Variants in MGAM2 observed in about 807,000 individuals in gnomAD.
MGAM2 encodes maltase-glucoamylase 2 (putative).
A neutral mutation model predicts 96.1 loss-of-function variants in MGAM2; 98 were observed. The observed-to-expected ratio is 1.02, with a 90% CI of 0.87 to 1.21. The LOEUF (loss-of-function observed/expected upper bound fraction) is 1.21. Among genes scored for constraint, MGAM2 ranks in the 50% most tolerant of loss-of-function variants. The pLI is 0.00. For synonymous variants in MGAM2, 749 were observed against 414.8 expected (o/e 1.81, Z -9.79); for missense variants, 2,055 against 1,182.4 (o/e 1.74, Z -10.82).
chr7:142,178,155 G>T (rs1796431679), intron 32 of MGAM2, among the ~76,000 whole-genome samples: 1 of 152,138 alleles, frequency 6.6e-6, no homozygotes, highest in Non-Finnish European at 1.5e-5. Flanking sequence ...CCACTTGTAT[G>T]TCTTCTTTTG....
intron 46 of MGAM2, among the ~76,000 whole-genome samples, chr7:142,211,403 G>A (rs1220605280): frequency 6.6e-6 from 1 of 152,160 alleles, no homozygotes; most frequent in African/African-American, 2.4e-5. Flanking sequence ...CCGAGCTAAA[G>A]GAGCATGTTC....
intron 14 of MGAM2, among the ~76,000 whole-genome samples, chr7:142,146,973 C>G (rs1221143815): frequency 3.9e-5 from 6 of 152,126 alleles, no homozygotes; most frequent in African/African-American, 1.4e-4. Flanking sequence ...GGTGATCCAC[C>G]TGCCTCGGCC....
At chr7:142,211,159 A>G (rs1344216745) in intron 46 of MGAM2, among the ~76,000 whole-genome samples, 2 of 152,216 alleles carry the variant, frequency 1.3e-5, no homozygotes, top group South Asian at 4.1e-4. Flanking sequence ...AACAAAAAGG[A>G]TGACCATGCA....
intron 45 of MGAM2, among the ~76,000 whole-genome samples, chr7:142,206,768 A>G (rs931962042): frequency 4.6e-5 from 7 of 152,228 alleles, no homozygotes; most frequent in African/African-American, 1.4e-4. Context: ...ATGCTTAAAA[A>G]TTCAAATTCA....
chr7:142,160,358 G>C, intron 21 of MGAM2, 100 bp downstream of exon 21: 1 of 576,058 alleles, frequency 1.7e-6, no homozygotes. Flanking sequence ...TGAGCCAAGG[G>C]ATAAGTCACC....
chr7:142,127,382 A>G (rs1794759285), intron 3 of MGAM2, among the ~76,000 whole-genome samples: 1 of 151,346 alleles, frequency 6.6e-6, no homozygotes, highest in Admixed American at 6.6e-5. Context: ...ATTTTCTGGG[A>G]TAATTGAATT....
chr7:142,137,068 G>A (rs1010753780), intron 8 of MGAM2, among the ~76,000 whole-genome samples: 2 of 151,998 alleles, frequency 1.3e-5, no homozygotes, highest in South Asian at 4.2e-4. Flanking sequence ...ACTCTCATAA[G>A]CATTTTTATT....
At chr7:142,150,165 T>C (rs1403383993) in intron 15 of MGAM2, among the ~76,000 whole-genome samples, 1 of 152,028 alleles carries the variant, frequency 6.6e-6, no homozygotes, top group African/African-American at 2.4e-5. Flanking sequence ...AGTCTCAAAC[T>C]CCCGACCTCT....
chr7:142,220,998 G>A lies in MGAM2; in HGVS notation c.6487G>A (p.Ala2163Thr). The A allele has an allele frequency of 1.4e-6, 1 of 702,194 alleles. No individual in the cohort carries two copies. The highest frequency in any genetic ancestry group is 2.7e-5 in the East Asian group (1 of 37,256). 43.5% of individuals were successfully genotyped at this position (702,194 alleles called of 1,614,324 possible). ...STSTNVANIT[A>T]TSHTSTDDTV... ...TAGTACTAATGTTGCTAATATAACT[G>A]CTACCTCTCATACAAGTACTGATGA... The change falls in exon 48 of 48, where the codon GCT (alanine) becomes ACT (threonine). Residue 2163 changes from alanine to threonine, a missense_variant. Coordinates refer to ENST00000477922, the MANE Select transcript of MGAM2 (RefSeq NM_001293626.2).
chr7:142,137,659 G>T, intron 9 of MGAM2, 114 bp downstream of exon 9: 2 of 458,682 alleles, frequency 4.4e-6, no homozygotes, highest in Non-Finnish European at 7.7e-6. Context: ...TATAAATGCT[G>T]GGATAGTGAG....
chr7:142,156,322 A>T (rs1321337198), intron 17 of MGAM2, among the ~76,000 whole-genome samples: 4 of 152,152 alleles, frequency 2.6e-5, no homozygotes, highest in African/African-American at 9.7e-5. Context: ...TATCCTTTTC[A>T]TTCTACTAGG....
At chr7:142,215,778 C>A (rs1268164222) in intron 46 of MGAM2, among the ~76,000 whole-genome samples, 3 of 146,412 alleles carry the variant, frequency 2.0e-5, no homozygotes, top group African/African-American at 7.6e-5. Flanking sequence ...AAAAAAAAAA[C>A]CTCATGAATA....
chr7:142,189,137 T>C (rs1438809186), intron 36 of MGAM2, among the ~76,000 whole-genome samples: 2 of 152,162 alleles, frequency 1.3e-5, no homozygotes, highest in African/African-American at 2.4e-5. Context: ...TAAATCAGAG[T>C]TGGTGCAAAA....
chr7:142,197,767 A>G (rs746016415), intron 42 of MGAM2, 39 bp downstream of exon 42: 11 of 702,386 alleles, frequency 1.6e-5, no homozygotes, highest in South Asian at 1.3e-4. Flanking sequence ...CTTCAATCAC[A>G]TGATCTAAAA....
chr7:142,127,461 C>A (rs4352761), intron 3 of MGAM2, among the ~76,000 whole-genome samples: 73,550 of 151,862 alleles, frequency 0.48, 20,370 homozygotes, highest in African/African-American at 0.77. Context: ...TTTAAATATT[C>A]AGGAGCTTTA....
intron 33 of MGAM2, among the ~76,000 whole-genome samples, chr7:142,184,624 A>T (rs1362634673): frequency 6.6e-6 from 1 of 152,174 alleles, no homozygotes; most frequent in Non-Finnish European, 1.5e-5. Context: ...GGTACTATGG[A>T]TTTTTTAATG....
At chr7:142,210,692 G>A (rs765377509) in intron 46 of MGAM2, among the ~76,000 whole-genome samples, 1 of 152,254 alleles carries the variant, frequency 6.6e-6, no homozygotes, top group Non-Finnish European at 1.5e-5. Flanking sequence ...GCCCCAGTTA[G>A]GGGCTTGTAG....
intron 12 of MGAM2, among the ~76,000 whole-genome samples, chr7:142,142,095 G>A (rs1795247717): frequency 1.3e-5 from 2 of 152,128 alleles, no homozygotes; most frequent in South Asian, 4.1e-4. Context: ...GGTTATGGAT[G>A]ATCCCTTACC....
intron 35 of MGAM2, 123 bp from the exon 36 acceptor site, chr7:142,187,627 A>G: frequency 2.0e-5 from 12 of 594,748 alleles, no homozygotes; most frequent in Non-Finnish European, 3.3e-5. Flanking sequence ...AATTAAACAC[A>G]GTGAACTAAA....
Sources: gnomAD v4.1 joint callset for allele counts (sites outside exome capture counted in the v4.1 genomes callset) on GRCh38, gnomAD v4.1.1 for gene constraint, MANE v1.5 for transcripts, NCBI Gene and HGNC (gene_info 2026-07-23, HGNC 2026-07-21) for gene names.